The following UVRAG variants were observed in gnomAD, a reference collection of about 807,000 sequenced individuals.
The protein encoded by UVRAG is UV radiation resistance-associated gene protein.
UVRAG carries 19 observed loss-of-function variants against 78.0 expected under a neutral mutation model. The ratio of observed to expected loss-of-function variants is 0.24; its 90% CI spans 0.17 to 0.36. The LOEUF (loss-of-function observed/expected upper bound fraction) is 0.36. Ranked by LOEUF, UVRAG falls within the 10% of genes least tolerant of loss-of-function variation. The probability of loss-of-function intolerance (pLI) is 1.00; values close to 1 mark genes in which losing one functional copy is unlikely to be tolerated. For missense variants in UVRAG, 740 were observed against 853.8 expected (o/e 0.87, Z 1.66); for synonymous variants, 323 against 324.6 (o/e 1.00, Z 0.05).
intron 11 of UVRAG, among the ~76,000 whole-genome samples, chr11:76,013,602 A>G (rs921765147): frequency 6.6e-6 from 1 of 152,204 alleles, no homozygotes; most frequent in Non-Finnish European, 1.5e-5. Context: ...AATCTTTCAG[A>G]TCTTGCAATG....
intron 13 of UVRAG, among the ~76,000 whole-genome samples, chr11:76,097,885 T>C (rs1951813943): frequency 6.6e-6 from 1 of 152,190 alleles, no homozygotes; most frequent in Non-Finnish European, 1.5e-5. Flanking sequence ...TTACCGCCTA[T>C]AGTTTTATAT....
At chr11:75,963,578 T>C (rs1948951071) in intron 7 of UVRAG, among the ~76,000 whole-genome samples, 1 of 152,220 alleles carries the variant, frequency 6.6e-6, no homozygotes, top group African/African-American at 2.4e-5. Context: ...ATTTAAGAAA[T>C]CATTTTCATT....
chr11:75,926,088 T>TA (rs1948096678), intron 6 of UVRAG, among the ~76,000 whole-genome samples: 1 of 152,154 alleles, frequency 6.6e-6, no homozygotes, highest in South Asian at 2.1e-4. Context: ...AGGAATTACT[T>TA]AGAGTCTTGT....
chr11:75,850,281 C>T (rs915084686), intron 1 of UVRAG, among the ~76,000 whole-genome samples: 5 of 152,164 alleles, frequency 3.3e-5, no homozygotes, highest in African/African-American at 9.7e-5. Flanking sequence ...ATTCTCCTGC[C>T]TCAATTTCAA....
At chr11:75,882,609 T>C (rs1946977371) in intron 4 of UVRAG, among the ~76,000 whole-genome samples, 1 of 152,192 alleles carries the variant, frequency 6.6e-6, no homozygotes, top group Admixed American at 6.5e-5. Flanking sequence ...ATTTTTTACC[T>C]GTAGTCACCA....
At chr11:76,041,617 A>G (rs1040449606) in intron 12 of UVRAG, among the ~76,000 whole-genome samples, 45 of 152,356 alleles carry the variant, frequency 3.0e-4, no homozygotes, top group Non-Finnish European at 5.4e-4. Flanking sequence ...GCCAGTTATT[A>G]TCTTTGGAAG....
chr11:75,869,856 G>A (rs1946612801), intron 3 of UVRAG, among the ~76,000 whole-genome samples: 1 of 152,134 alleles, frequency 6.6e-6, no homozygotes, highest in Non-Finnish European at 1.5e-5. Flanking sequence ...TGAGTTCTTG[G>A]TTGTGTTCTT....
At chr11:75,877,612 A>ACC (rs528561227) in intron 3 of UVRAG, among the ~76,000 whole-genome samples, 1 of 112,062 alleles carries the variant, frequency 8.9e-6, no homozygotes, top group African/African-American at 3.5e-5. Flanking sequence ...CGGGGGGCTG[A>ACC]CCCCCCCACC....
chr11:76,020,500 G>A (rs1224113623), intron 12 of UVRAG, among the ~76,000 whole-genome samples: 1 of 151,892 alleles, frequency 6.6e-6, no homozygotes, highest in Non-Finnish European at 1.5e-5. Flanking sequence ...TTCCCTTCTG[G>A]CCCAGCGTGG....
At chr11:76,125,137 T>C (rs1293754735) in intron 14 of UVRAG, among the ~76,000 whole-genome samples, 2 of 152,236 alleles carry the variant, frequency 1.3e-5, no homozygotes, top group East Asian at 1.9e-4. Context: ...CTAGCTGACG[T>C]TGGTTTTTAA....
chr11:76,094,749 T>C (rs1416520650), intron 13 of UVRAG, among the ~76,000 whole-genome samples: 2 of 152,228 alleles, frequency 1.3e-5, no homozygotes, highest in Non-Finnish European at 2.9e-5. Context: ...TTCTTCTCTC[T>C]TTTCTTCTTT....
chr11:76,113,906 TG>T (rs1225089696), intron 13 of UVRAG, among the ~76,000 whole-genome samples: 1 of 152,158 alleles, frequency 6.6e-6, no homozygotes, highest in African/African-American at 2.4e-5. Flanking sequence ...GACAGAGGCT[TG>T]AAATTCCCAC....
At chr11:75,941,269 G>T (rs986558001) in intron 6 of UVRAG, among the ~76,000 whole-genome samples, 6 of 152,064 alleles carry the variant, frequency 3.9e-5, no homozygotes, top group Non-Finnish European at 7.4e-5. Flanking sequence ...TTTCTGTTCA[G>T]ATTTTTGTTG....
chr11:75,979,962 C>G (rs184303588), intron 7 of UVRAG: 1 of 153,576 alleles, frequency 6.5e-6, no homozygotes, highest in African/African-American at 2.4e-5. Context: ...CCATCTTCTG[C>G]GTCGCTCACG....
chr11:76,038,779 T>C lies in UVRAG; in HGVS notation c.1226+21799T>C, dbSNP rs780822578. Among the ~76,000 whole-genome samples, 4 of 152,306 alleles carry C rather than the reference T, an allele frequency of 2.6e-5. 1 individual carries two copies. In the South Asian group the frequency reaches 8.3e-4, roughly 32 times the overall value. The stretch of plus-strand genomic sequence containing the variant: ...ACAAGAAAGCAAACAGAACTCCTCA[T>C]GGAGGGAGCCATGTGGCTAGGACCT... On this transcript the variant is annotated intron_variant, in intron 12 of 14. Coordinates refer to ENST00000356136, the MANE Select transcript of UVRAG (RefSeq NM_003369.4).
chr11:75,908,711 G>GTTTT (rs1591004196), intron 5 of UVRAG, among the ~76,000 whole-genome samples: 3 of 104,262 alleles, frequency 2.9e-5, no homozygotes, highest in African/African-American at 8.4e-5. Flanking sequence ...CTGGTTCTGG[G>GTTTT]CTTTTTTTTT....
intron 7 of UVRAG, among the ~76,000 whole-genome samples, chr11:75,982,469 T>G (rs1949412923): frequency 6.6e-6 from 1 of 152,180 alleles, no homozygotes; most frequent in Non-Finnish European, 1.5e-5. Context: ...AAAGTGACTC[T>G]CAACTAGGCC....
At position 76,106,572 on chromosome 11, in the gene UVRAG, TG is replaced by T. The variant is rs1345659011; in HGVS notation, c.1306-9350del. On this transcript the variant is annotated intron_variant, in intron 13 of 14. Coordinates refer to ENST00000356136, the MANE Select transcript of UVRAG (RefSeq NM_003369.4). ...TAGTAGAGACAGGGTTTTACCATGT[TG>T]GCCAGGCTGGTCTCGAACTCCTGAC... 2.6e-5 allele frequency among the ~76,000 whole-genome samples: 4 copies of T among 152,254 alleles called. No homozygotes were observed. The East Asian group carries it at 7.7e-4, about 29-fold the overall frequency.
intron 7 of UVRAG, among the ~76,000 whole-genome samples, chr11:75,962,267 G>A (rs996758992): frequency 5.9e-5 from 9 of 151,900 alleles, no homozygotes; most frequent in South Asian, 4.1e-4. Flanking sequence ...ATATTTGTTC[G>A]TGTGAACTCA....
Sources: gnomAD v4.1 joint callset for allele counts (sites outside exome capture counted in the v4.1 genomes callset) on GRCh38, gnomAD v4.1.1 for gene constraint, MANE v1.5 for transcripts, NCBI Gene and HGNC (gene_info 2026-07-23, HGNC 2026-07-21) for gene names.